Variants in FHIT observed in about 807,000 individuals in gnomAD.
FHIT encodes the protein fragile histidine triad diadenosine triphosphatase, also known as bis(5'-adenosyl)-triphosphatase.
A neutral mutation model predicts 17.9 loss-of-function variants in FHIT; 19 were observed. The ratio of observed to expected loss-of-function variants is 1.06; its 90% confidence interval spans 0.74 to 1.56. The LOEUF (loss-of-function observed/expected upper bound fraction) is 1.56, where lower values mean the gene tolerates loss of function less well. Ranked by LOEUF, FHIT falls within the 40% of genes most tolerant of loss-of-function variation. The pLI is 0.00. For synonymous variants in FHIT, 81 were observed against 69.7 expected, an observed-to-expected ratio of 1.16 and a Z score of -0.81; for missense variants, 248 against 189.2, an observed-to-expected ratio of 1.31 and a Z score of -1.82.
intron 2 of FHIT, among the ~76,000 whole-genome samples, chr3:61,187,219 A>G (rs2038543999): frequency 6.6e-6 from 1 of 152,188 alleles, no homozygotes; most frequent in Non-Finnish European, 1.5e-5. Context: ...TTGATAAGGA[A>G]CTAAGGAACT....
At position 60,058,357 on chromosome 3, in the gene FHIT, T is replaced by C. The variant is rs1242289876; in HGVS notation, c.104-44205A>G. 4.6e-5 allele frequency among the ~76,000 whole-genome samples: 7 copies of C among 151,868 alleles called. No individual in the cohort carries two copies. In the South Asian group the frequency reaches 1.2e-3, roughly 27 times the overall value. ...TGTTGGGCAGGATGGTCTGGATCTC[T>C]TGACCTCATGATCTGCCCGCCTCAG... is the stretch of plus-strand genomic sequence containing the variant. On this transcript the variant is annotated intron_variant, in intron 5 of 9. Coordinates refer to ENST00000492590, the MANE Select transcript of FHIT (RefSeq NM_002012.4).
intron 4 of FHIT, among the ~76,000 whole-genome samples, chr3:60,615,567 T>C (rs116103089): frequency 0.033 from 5,020 of 152,306 alleles, 112 homozygotes; most frequent in Middle Eastern, 0.065. Context: ...AATTCACCTA[T>C]GCGGTAACTT....
chr3:59,927,770 AAAC>A (rs150252337), intron 7 of FHIT, among the ~76,000 whole-genome samples: 50 of 151,924 alleles, frequency 3.3e-4, no homozygotes, highest in African/African-American at 1.0e-3. Flanking sequence ...CTCTGTCTCA[AAAC>A]AACAACAACA....
chr3:60,129,049 G>GTTTTTTTTTT (rs1553692328), intron 5 of FHIT, among the ~76,000 whole-genome samples: 5 of 121,042 alleles, frequency 4.1e-5, no homozygotes, highest in African/African-American at 3.6e-5. Context: ...TTCCTTTTTT[G>GTTTTTTTTTT]TTTGTTTTTT....
intron 3 of FHIT, among the ~76,000 whole-genome samples, chr3:60,849,256 T>G (rs915878660): frequency 6.6e-6 from 1 of 151,532 alleles, no homozygotes; most frequent in African/African-American, 2.4e-5. Flanking sequence ...AGCAAAGAAA[T>G]TTGACAAGGA....
rs1700709094 is a variant in FHIT, at chr3:59,748,294, T to C, written c.*1291A>G. On this transcript the variant is annotated 3_prime_UTR_variant, in exon 10 of 10. Transcript: ENST00000492590. ...TGGTCCACAAAGATAAGAAAAATCA[T>C]GACAAAATGGGAATGAATGCAATTT... Among the ~76,000 whole-genome samples the C allele has an allele frequency of 6.6e-6, 1 of 152,116 alleles. No homozygotes were observed.
chr3:60,431,332 C>T (rs1702893448), intron 5 of FHIT, among the ~76,000 whole-genome samples: 1 of 151,886 alleles, frequency 6.6e-6, no homozygotes, highest in African/African-American at 2.4e-5. Flanking sequence ...GTTTTCTTTA[C>T]AAACTGGATA....
chr3:60,191,493 A>G (rs1161080706), intron 5 of FHIT, among the ~76,000 whole-genome samples: 1 of 152,208 alleles, frequency 6.6e-6, no homozygotes, highest in Non-Finnish European at 1.5e-5. Flanking sequence ...GGCAGTGTAC[A>G]TTGCTCACAT....
At chr3:60,983,276 A>G (rs941195513) in intron 3 of FHIT, among the ~76,000 whole-genome samples, 2 of 152,182 alleles carry the variant, frequency 1.3e-5, no homozygotes, top group African/African-American at 4.8e-5. Context: ...CAGGGAAGGA[A>G]GAGGGAGAGA....
intron 5 of FHIT, among the ~76,000 whole-genome samples, chr3:60,489,470 C>A (rs1397878208): frequency 2.0e-5 from 3 of 152,016 alleles, no homozygotes; most frequent in Non-Finnish European, 2.9e-5. Context: ...TGACTAAGAC[C>A]AAGCTGGAGT....
intron 3 of FHIT, among the ~76,000 whole-genome samples, chr3:60,958,618 T>C (rs1447177621): frequency 2.6e-5 from 4 of 152,212 alleles, no homozygotes; most frequent in Non-Finnish European, 4.4e-5. Context: ...TTCCAGGTCT[T>C]TGGTGGCCCT....
At chr3:59,950,705 G>A (rs1009556997) in intron 7 of FHIT, among the ~76,000 whole-genome samples, 1 of 152,130 alleles carries the variant, frequency 6.6e-6, no homozygotes, top group Non-Finnish European at 1.5e-5. Context: ...TAGCCTCCAG[G>A]AGGGAAATGT....
intron 5 of FHIT, among the ~76,000 whole-genome samples, chr3:60,125,900 T>C (rs1001658630): frequency 1.3e-5 from 2 of 152,182 alleles, no homozygotes; most frequent in Non-Finnish European, 2.9e-5. Flanking sequence ...GAACAGTTTA[T>C]TGAGAGGCCT....
In FHIT at chr3:60,561,258, T is replaced by C. The variant is rs189517344; in HGVS notation, c.-17-24279A>G. ...GACTGAAATGTGGGCCAAACCCATT[T>C]TGGAAACAAAGAACAAAGTCAATAC... On this transcript the variant is annotated intron_variant, in intron 4 of 9. Transcript: ENST00000492590. 7.6e-4 allele frequency among the ~76,000 whole-genome samples: 116 copies of C among 152,168 alleles called. 1 individual carries two copies. The highest frequency in any genetic ancestry group is 2.6e-4 in the Admixed American group (4 of 15,284).
chr3:61,090,678 G>A (rs2035453626), intron 2 of FHIT, among the ~76,000 whole-genome samples: 1 of 152,008 alleles, frequency 6.6e-6, no homozygotes, highest in Non-Finnish European at 1.5e-5. Context: ...AAAGAGAGAA[G>A]GATATGAACA....
chr3:60,906,048 T>C (rs1351981491), intron 3 of FHIT, among the ~76,000 whole-genome samples: 1 of 152,124 alleles, frequency 6.6e-6, no homozygotes, highest in African/African-American at 2.4e-5. Context: ...AGGACATAAA[T>C]GGATCTAATG....
At chr3:60,327,487 A>G (rs1423800343) in intron 5 of FHIT, among the ~76,000 whole-genome samples, 3 of 152,234 alleles carry the variant, frequency 2.0e-5, no homozygotes, top group Non-Finnish European at 4.4e-5. Flanking sequence ...CTAACAAAAC[A>G]TTATTTACAA....
At chr3:60,903,874 C>A (rs1026019441) in intron 3 of FHIT, among the ~76,000 whole-genome samples, 9 of 151,968 alleles carry the variant, frequency 5.9e-5, no homozygotes, top group African/African-American at 1.9e-4. Flanking sequence ...GGATAAATAC[C>A]CAAAATAGTA....
chr3:59,946,682 A>T (rs776027594), intron 7 of FHIT, among the ~76,000 whole-genome samples: 4 of 152,090 alleles, frequency 2.6e-5, no homozygotes, highest in Admixed American at 6.6e-5. Context: ...AGGTAAGTTC[A>T]TTCTTCCAAT....
Sources: gnomAD v4.1 joint callset for allele counts (sites outside exome capture counted in the v4.1 genomes callset) on GRCh38, gnomAD v4.1.1 for gene constraint, MANE v1.5 for transcripts, NCBI Gene and HGNC (gene_info 2026-07-23, HGNC 2026-07-21) for gene names.